The following IGSF10 variants were observed in gnomAD, a reference collection of about 807,000 sequenced individuals.
IGSF10 encodes calvaria mechanical force protein 608.
IGSF10 carries 126 observed loss-of-function variants against 128.2 expected under a neutral mutation model. The observed-to-expected ratio is 0.98, with a 90% CI of 0.85 to 1.14. The LOEUF is 1.14. Among genes scored for constraint, IGSF10 ranks in the 50% most tolerant of loss-of-function variants. The probability of loss-of-function intolerance (pLI) is 0.00; values close to 1 mark genes in which losing one functional copy is unlikely to be tolerated. For missense variants in IGSF10, 3,295 were observed against 3,149.8 expected, an observed-to-expected ratio of 1.05 and a Z score of -1.10; for synonymous variants, 1,185 against 1,146.2, an observed-to-expected ratio of 1.03 and a Z score of -0.68.
At chr3:151,494,150 C>T in the IGSF10 span, among the ~76,000 whole-genome samples, 1 of 151,956 alleles carries the variant, frequency 6.6e-6, no homozygotes, top group Non-Finnish European at 1.5e-5. Context: ...TCCAAAATAC[C>T]TTTTAAAATT....
chr3:151,460,978 G>GCCCGGGCTAGGTCCCGGGCTCGGT lies in IGSF10; in HGVS notation c.-145_-122dup, dbSNP rs1176367897. 2.0e-6 allele frequency: 2 copies of GCCCGGGCTAGGTCCCGGGCTCGGT among 985,236 alleles called. No homozygotes were observed. Among genetic ancestry groups the GCCCGGGCTAGGTCCCGGGCTCGGT allele is most frequent in the African/African-American group, 3.5e-5 (2 of 57,228 alleles). The allele number at this position is 985,236 out of a possible 1,614,324, so 61.0% of individuals were successfully genotyped here. ...CCCTGGTGACCAATGGGCTCGAGCT[G>GCCCGGGCTAGGTCCCGGGCTCGGT]CCCGGGCTAGGTCCCGGGCTCGGTC... On this transcript the variant is annotated 5_prime_UTR_variant, in exon 1 of 8. Coordinates refer to ENST00000282466, the MANE Select transcript of IGSF10 (RefSeq NM_178822.5).
the IGSF10 span, among the ~76,000 whole-genome samples, chr3:151,546,042 C>CA: frequency 2.7e-3 from 353 of 129,886 alleles, no homozygotes; most frequent in East Asian, 5.5e-3. Context: ...TATGTGGCCA[C>CA]AAAAAAAAAA....
the IGSF10 span, among the ~76,000 whole-genome samples, chr3:151,523,809 G>GA: frequency 6.6e-6 from 1 of 152,096 alleles, no homozygotes; most frequent in Non-Finnish European, 1.5e-5. Flanking sequence ...TTACAAGTGG[G>GA]ATCTAATTAA....
chr3:151,562,599 T>A, the IGSF10 span, among the ~76,000 whole-genome samples: 6 of 152,214 alleles, frequency 3.9e-5, no homozygotes, highest in East Asian at 1.2e-3. Context: ...AACCACCTCA[T>A]TTTAAGGAAG....
In IGSF10 at chr3:151,453,577, G is replaced by C. The variant is rs779263886; in HGVS notation, c.522C>G (p.Val174=). The change falls in exon 5 of 8, where the codon GTC becomes GTG. Residue 174 remains valine (V), a synonymous_variant. Coordinates refer to ENST00000282466, the MANE Select transcript of IGSF10 (RefSeq NM_178822.5). ...QLTKLHPDTF[V]SLSYLQIFKI... is the part of the protein sequence containing the mutation. ...TAAATATCTGGAGGTAGCTCAAAGAGACAAATGTATCTGGGTGGAGCTTAG... is the reference window on the plus strand; with the variant it reads ...TAAATATCTGGAGGTAGCTCAAAGACACAAATGTATCTGGGTGGAGCTTAG... 3 of 1,613,826 alleles carry C rather than the reference G, an allele frequency of 1.9e-6. No homozygotes were observed. The South Asian group carries it at 3.3e-5, about 18-fold the overall frequency.
chr3:151,485,394 G>A, the IGSF10 span, among the ~76,000 whole-genome samples: 6 of 152,306 alleles, frequency 3.9e-5, no homozygotes, highest in East Asian at 1.2e-3. Flanking sequence ...TATTATCCAG[G>A]AGAACTTCCC....
At chr3:151,461,768 C>CT (rs1449090426), upstream of IGSF10, among the ~76,000 whole-genome samples, 2 of 152,174 alleles carry the variant, frequency 1.3e-5, no homozygotes, top group African/African-American at 2.4e-5. Context: ...ATTTAATTCT[C>CT]TATCTCTGTA....
At chr3:151,472,046 C>T in the IGSF10 span, among the ~76,000 whole-genome samples, 13 of 152,256 alleles carry the variant, frequency 8.5e-5, 1 homozygote, top group Admixed American at 6.5e-4. Context: ...AAGCTCTGCA[C>T]TCCACAACTC....
chr3:151,593,987 G>T, the IGSF10 span, among the ~76,000 whole-genome samples: 1 of 141,236 alleles, frequency 7.1e-6, no homozygotes, highest in African/African-American at 2.5e-5. Flanking sequence ...CTGAGGGAAT[G>T]AATACGGCAG....
In IGSF10 at chr3:151,442,185, G is replaced by T. The variant is rs559552557; in HGVS notation, c.5963+799C>A. On this transcript the variant is annotated intron_variant, in intron 7 of 7. Transcript: ENST00000282466. ...TTCACTTGGTGGAGGTCTTAATATT[G>T]TGACTTTCACAAAGTGCTTTGTAAT... Among the ~76,000 whole-genome samples, 5 of 152,100 alleles carry T rather than the reference G, an allele frequency of 3.3e-5. No homozygotes were observed. The South Asian group carries it at 1.0e-3, about 31-fold the overall frequency.
intron 7 of IGSF10, among the ~76,000 whole-genome samples, chr3:151,439,928 T>TA (rs1245684642): frequency 3.3e-5 from 5 of 152,248 alleles, no homozygotes; most frequent in African/African-American, 1.2e-4. Context: ...CAACATGGGC[T>TA]AAGCAGGTAG....
the IGSF10 span, among the ~76,000 whole-genome samples, chr3:151,611,522 G>A: frequency 3.5e-3 from 538 of 152,230 alleles, 3 homozygotes; most frequent in African/African-American, 0.012. Context: ...GAGAAAACAC[G>A]AGAGCCAGAA....
At position 151,440,660 on chromosome 3, in the gene IGSF10, GT is replaced by G. The variant is rs563815861; in HGVS notation, c.5964-2064del. On this transcript the variant is annotated intron_variant, in intron 7 of 7. Transcript: ENST00000282466. Reference sequence around the variant, plus strand: ...TTCCTAATGCTTTCTAAAAGTATTGGTTCTTAAACTTGGCTAAACATTAAAA... The same window carrying G: ...TTCCTAATGCTTTCTAAAAGTATTGGTCTTAAACTTGGCTAAACATTAAAA... 6.4e-5 allele frequency: 29 copies of G among 456,554 alleles called. No homozygotes were observed. In the East Asian group the frequency reaches 1.9e-3, roughly 31 times the overall value. The allele number at this position is 456,554 out of a possible 1,614,324, so 28.3% of individuals were successfully genotyped here. A position where few individuals can be genotyped will look rare whatever the true frequency, so the allele number is the denominator to read the frequency against.
chr3:151,511,470 A>C, the IGSF10 span, among the ~76,000 whole-genome samples: 5 of 152,228 alleles, frequency 3.3e-5, no homozygotes, highest in Non-Finnish European at 5.9e-5. Context: ...AGGAAGCACT[A>C]AACATGGAAA....
chr3:151,507,986 A>G, the IGSF10 span, among the ~76,000 whole-genome samples: 1 of 152,182 alleles, frequency 6.6e-6, no homozygotes, highest in East Asian at 1.9e-4. Context: ...TATTTTTCTA[A>G]AAGATTATAA....
chr3:151,449,620 A>C (rs1721415956), intron 5 of IGSF10, among the ~76,000 whole-genome samples: 1 of 152,200 alleles, frequency 6.6e-6, no homozygotes. Context: ...AGTTTTTATT[A>C]ATAACAGTTT....
rs192190363 is a variant in IGSF10 at position 151,445,202 on chromosome 3, G to A, written c.4779C>T (p.Ser1593=). The change falls in exon 6 of 8, where the codon AGC becomes AGT. Residue 1593 remains serine (S), a synonymous_variant. Transcript: ENST00000282466. ...IAEKGKKPEV[S]MLATTGLSEA... ...CGGACAGGCCTGTAGTAGCCAACAT[G>A]CTTACTTCTGGCTTTTTGCCTTTTT... 5.1e-5 allele frequency: 82 copies of A among 1,614,230 alleles called. No homozygotes were observed. In the East Asian group the frequency reaches 1.8e-3, roughly 35 times the overall value.
At chr3:151,617,335 C>CCCTCCT in the IGSF10 span, among the ~76,000 whole-genome samples, 19 of 78,508 alleles carry the variant, frequency 2.4e-4, no homozygotes, top group Non-Finnish European at 4.3e-4. Context: ...CTCCTCCTCC[C>CCCTCCT]CCTCCTCCTC....
chr3:151,570,149 G>C, the IGSF10 span, among the ~76,000 whole-genome samples: 1 of 152,198 alleles, frequency 6.6e-6, no homozygotes, highest in Admixed American at 6.5e-5. Flanking sequence ...GGACATTTGG[G>C]TTGGTTCCAA....
Sources: gnomAD v4.1 joint callset for allele counts (sites outside exome capture counted in the v4.1 genomes callset) on GRCh38, gnomAD v4.1.1 for gene constraint, MANE v1.5 for transcripts, NCBI Gene and HGNC (gene_info 2026-07-23, HGNC 2026-07-21) for gene names.